Variants in PLXNA4 observed in about 807,000 individuals in gnomAD.
PLXNA4 encodes the protein plexin A4.
In PLXNA4, 44 loss-of-function variants were observed where a neutral mutation model predicts 191.8. The observed-to-expected ratio is 0.23, with a 90% CI of 0.18 to 0.29. PLXNA4 has a LOEUF of 0.29. Ranked by LOEUF, PLXNA4 falls within the 10% of genes least tolerant of loss-of-function variation. The pLI is 1.00. For synonymous variants in PLXNA4, 1,082 were observed against 1,009.5 expected (o/e 1.07, Z -1.36); for missense variants, 1,800 against 2,488.8 (o/e 0.72, Z 5.89).
At chr7:132,272,881 T>C (rs1175026681) in intron 4 of PLXNA4, among the ~76,000 whole-genome samples, 1 of 152,196 alleles carries the variant, frequency 6.6e-6, no homozygotes, top group East Asian at 1.9e-4. Flanking sequence ...TCGCTCGTTC[T>C]CCATGTTACC....
At chr7:132,270,464 T>G (rs1285655611) in intron 4 of PLXNA4, among the ~76,000 whole-genome samples, 1 of 152,234 alleles carries the variant, frequency 6.6e-6, no homozygotes, top group Non-Finnish European at 1.5e-5. Context: ...CAGTGCAGTC[T>G]CATGAGTTCA....
intron 7 of PLXNA4, 58 bp from the exon 8 acceptor site, chr7:132,226,318 C>T: frequency 4.8e-6 from 7 of 1,454,532 alleles, no homozygotes; most frequent in Non-Finnish European, 6.7e-6. Flanking sequence ...CCAGGGATTC[C>T]CTGACCAGTG....
chr7:132,332,225 C>T (rs939863413), intron 3 of PLXNA4, among the ~76,000 whole-genome samples: 7 of 152,128 alleles, frequency 4.6e-5, no homozygotes, highest in Admixed American at 2.0e-4. Context: ...GTTTAGGCCA[C>T]GGAATGGACA....
chr7:132,252,624 G>A (rs949169571), intron 4 of PLXNA4, among the ~76,000 whole-genome samples: 2 of 152,152 alleles, frequency 1.3e-5, no homozygotes, highest in Non-Finnish European at 2.9e-5. Context: ...TATGCCTTAT[G>A]CACTGTCGGT....
At chr7:132,458,294 C>A (rs758563584) in intron 3 of PLXNA4, among the ~76,000 whole-genome samples, 91 of 151,846 alleles carry the variant, frequency 6.0e-4, no homozygotes, top group Non-Finnish European at 1.2e-3. Flanking sequence ...CATGACCTAG[C>A]AATTTCACTC....
chr7:132,619,837 A>G (rs7801422), intron 2 of PLXNA4, among the ~76,000 whole-genome samples: 59,895 of 149,056 alleles, frequency 0.4, 12,986 homozygotes, highest in Non-Finnish European at 0.51. Flanking sequence ...GTCTCGCTCT[A>G]TTGCCCAGGC....
At position 132,228,384 on chromosome 7, in the gene PLXNA4, G is replaced by A. The variant is rs1213283670; in HGVS notation, c.1690C>T (p.His564Tyr). The stretch of plus-strand genomic sequence containing the variant: ...TGAGAGACGGAGATATTGTTGGGAT[G>A]GACCGTCAGCCGGACACACTGCTTC... ...EMKQCVRLTVHPNNISVSQYN... is the reference protein window; with the variant it reads ...EMKQCVRLTVYPNNISVSQYN... Residue 564 changes from histidine to tyrosine, a missense_variant, in exon 6 of 32, where the codon CAT becomes TAT. This residue lies in a region of PLXNA4 where 1,397 missense variants were observed against 1,880.4 expected (regional missense o/e 0.74). Transcript: ENST00000321063. 6.2e-7 allele frequency: 1 copy of A among 1,614,134 alleles called. No homozygotes were observed. The highest frequency in any genetic ancestry group is 2.2e-5 in the East Asian group (1 of 44,868).
In PLXNA4 at chr7:132,125,822, T is replaced by TC. The variant is rs1428129603; in HGVS notation, c.*4656dup. The TC allele has an allele frequency of 6.6e-6, 1 of 152,126 alleles. No individual in the cohort carries two copies. Among genetic ancestry groups the TC allele is most frequent in the Non-Finnish European group, 1.5e-5 (1 of 68,116 alleles). 9.4% of individuals were successfully genotyped at this position (152,126 alleles called of 1,614,324 possible). ...GGTCAGGTGAGCTCCTGGAGGTGAC[T>TC]CAGTCATGGAAAGACCCCTTGAAGG... On this transcript the variant is annotated 3_prime_UTR_variant, in exon 32 of 32. Coordinates refer to ENST00000321063, the MANE Select transcript of PLXNA4 (RefSeq NM_020911.2).
intron 2 of PLXNA4, among the ~76,000 whole-genome samples, chr7:132,641,288 G>A (rs1245908836): frequency 1.3e-5 from 2 of 152,142 alleles, no homozygotes; most frequent in Non-Finnish European, 2.9e-5. Context: ...CACAATTCTG[G>A]GGAATGAAGT....
intron 16 of PLXNA4, among the ~76,000 whole-genome samples, chr7:132,184,552 C>T (rs1417337143): frequency 6.6e-6 from 1 of 152,170 alleles, no homozygotes; most frequent in Non-Finnish European, 1.5e-5. Context: ...TCCAGGGACC[C>T]TAGAGATCCT....
intron 14 of PLXNA4, among the ~76,000 whole-genome samples, chr7:132,188,501 G>A (rs912150372): frequency 2.0e-5 from 3 of 152,076 alleles, no homozygotes; most frequent in Admixed American, 6.6e-5. Context: ...CCTCCCCTTG[G>A]AGATGCTTTG....
chr7:132,579,587 T>C (rs1802364341), upstream of PLXNA4, among the ~76,000 whole-genome samples: 1 of 151,396 alleles, frequency 6.6e-6, no homozygotes, highest in Non-Finnish European at 1.5e-5. Flanking sequence ...ATCTCCTGCC[T>C]AGTGTGTGGT....
At chr7:132,510,168 G>A (rs551022961) in intron 1 of PLXNA4, among the ~76,000 whole-genome samples, 1 of 152,206 alleles carries the variant, frequency 6.6e-6, no homozygotes, top group South Asian at 2.1e-4. Context: ...CCTATCTGGG[G>A]GCATCTCAGC....
chr7:132,364,401 G>A (rs1804071183), intron 3 of PLXNA4, among the ~76,000 whole-genome samples: 1 of 152,194 alleles, frequency 6.6e-6, no homozygotes, highest in Non-Finnish European at 1.5e-5. Context: ...AGAGCACAAA[G>A]CTTTAGACTC....
intron 4 of PLXNA4, among the ~76,000 whole-genome samples, chr7:132,283,402 A>G (rs1278425696): frequency 1.3e-5 from 2 of 152,232 alleles, no homozygotes; most frequent in Non-Finnish European, 2.9e-5. Context: ...AGAGGTGAGG[A>G]AAGCTTCGCA....
intron 25 of PLXNA4, among the ~76,000 whole-genome samples, chr7:132,153,444 G>T (rs1339296946): frequency 6.6e-6 from 1 of 152,086 alleles, no homozygotes; most frequent in Non-Finnish European, 1.5e-5. Flanking sequence ...GGCCACCTTT[G>T]TCCAAAGCAG....
chr7:132,555,457 C>A (rs892456369), intron 1 of PLXNA4, among the ~76,000 whole-genome samples: 1 of 152,140 alleles, frequency 6.6e-6, no homozygotes, highest in South Asian at 2.1e-4. Context: ...CACAGGGTGG[C>A]AAGAAGCAGA....
At chr7:132,191,043 GAGA>G (rs538999135) in intron 14 of PLXNA4, among the ~76,000 whole-genome samples, 414 of 152,330 alleles carry the variant, frequency 2.7e-3, no homozygotes, top group Non-Finnish European at 5.0e-3. Flanking sequence ...GTGCAACCAA[GAGA>G]AGGAGATAGA....
chr7:132,603,478 CT>C (rs1489440726), intron 2 of PLXNA4, among the ~76,000 whole-genome samples: 1 of 152,206 alleles, frequency 6.6e-6, no homozygotes, highest in Non-Finnish European at 1.5e-5. Context: ...TTGACCTCCC[CT>C]AAGAGGATTC....
Sources: gnomAD v4.1 joint callset for allele counts (sites outside exome capture counted in the v4.1 genomes callset) on GRCh38, gnomAD v4.1.1 for gene constraint, gnomAD v4.1.1 regional missense constraint, MANE v1.5 for transcripts, NCBI Gene and HGNC (gene_info 2026-07-23, HGNC 2026-07-21) for gene names.